The following DSCC1 variants were observed in gnomAD, a reference collection of about 807,000 sequenced individuals.
DSCC1 encodes the protein sister chromatid cohesion protein DCC1.
A neutral mutation model predicts 48.2 loss-of-function variants in DSCC1; 32 were observed. The ratio of observed to expected loss-of-function variants is 0.66; its 90% CI spans 0.50 to 0.89. The LOEUF is 0.89. Ranked by LOEUF, DSCC1 falls within the 40% of genes least tolerant of loss-of-function variation. DSCC1 has a pLI of 0.00. For synonymous variants in DSCC1, 150 were observed against 171.5 expected, an observed-to-expected ratio of 0.87 and a Z score of 0.98; for missense variants, 421 against 471.7, an observed-to-expected ratio of 0.89 and a Z score of 1.00.
chr8:119,855,580 C>A, intron 1 of DSCC1, 34 bp downstream of exon 1: 1 of 1,523,122 alleles, frequency 6.6e-7, no homozygotes, highest in South Asian at 1.2e-5. Context: ...CGTGGCCGGC[C>A]AGAGGCTGGG....
At chr8:119,843,923 C>T (rs954910530) in intron 4 of DSCC1, among the ~76,000 whole-genome samples, 176 bp from the exon 5 acceptor site, 9 of 152,024 alleles carry the variant, frequency 5.9e-5, no homozygotes, top group East Asian at 1.9e-4. Context: ...ACTACGGGCA[C>T]GCACTACCAT....
At chr8:119,835,676 G>A (rs1284226350) in intron 8 of DSCC1, among the ~76,000 whole-genome samples, 1 of 152,110 alleles carries the variant, frequency 6.6e-6, no homozygotes, top group East Asian at 1.9e-4. Context: ...ATATGACACA[G>A]CCTCTAAATT....
rs565911488 is a variant in DSCC1, at chr8:119,852,415, G to A, written c.351+632C>T. 3.3e-5 allele frequency among the ~76,000 whole-genome samples: 5 copies of A among 152,090 alleles called. No homozygotes were observed. In the South Asian group the frequency reaches 6.2e-4, roughly 19 times the overall value. Reference sequence around the variant, plus strand: ...GTCACCCAGGCTGGAGTGCAGTGGCGTGATCTCGGCTCTCTGAAACCTCTG... The same window carrying A: ...GTCACCCAGGCTGGAGTGCAGTGGCATGATCTCGGCTCTCTGAAACCTCTG... On this transcript the variant is annotated intron_variant, in intron 2 of 8. Coordinates refer to ENST00000313655, the MANE Select transcript of DSCC1 (RefSeq NM_024094.3).
chr8:119,836,594 A>C (rs1176147458), intron 8 of DSCC1, among the ~76,000 whole-genome samples: 1 of 152,146 alleles, frequency 6.6e-6, no homozygotes, highest in East Asian at 1.9e-4. Flanking sequence ...TAACTGTGTT[A>C]AGGATGAGGG....
intron 3 of DSCC1, among the ~76,000 whole-genome samples, chr8:119,848,661 T>TA (rs1180509300): frequency 6.6e-6 from 1 of 152,238 alleles, no homozygotes; most frequent in Non-Finnish European, 1.5e-5. Context: ...TAAAATCTTG[T>TA]ATACGAATGT....
chr8:119,843,378 G>C (rs1286851489), intron 5 of DSCC1, among the ~76,000 whole-genome samples: 2 of 152,042 alleles, frequency 1.3e-5, no homozygotes, highest in Non-Finnish European at 2.9e-5. Context: ...ATGAGCCACT[G>C]CGCCCAGCCT....
At position 119,855,606 on chromosome 8, in the gene DSCC1, G is replaced by A. The variant is rs942346370; in HGVS notation, c.182+8C>T. 7.1e-6 allele frequency: 11 copies of A among 1,541,624 alleles called. No homozygotes were observed. The highest frequency in any genetic ancestry group is 1.9e-4 in the Middle Eastern group (1 of 5,394). Reference sequence around the variant, plus strand: ...AGAGGCTGGGGGCGCCGCGTGACCAGGGCTCACCTGTGTCCATCCTCCAGC... The same window carrying A: ...AGAGGCTGGGGGCGCCGCGTGACCAAGGCTCACCTGTGTCCATCCTCCAGC... On this transcript the variant is annotated splice_region_variant and intron_variant, in intron 1 of 8. Transcript: ENST00000313655.
At chr8:119,855,119 G>A (rs976679208) in intron 1 of DSCC1, among the ~76,000 whole-genome samples, 1 of 152,176 alleles carries the variant, frequency 6.6e-6, no homozygotes, top group African/African-American at 2.4e-5. Context: ...CCTGGAATTA[G>A]AAACAGCTTC....
intron 4 of DSCC1, among the ~76,000 whole-genome samples, chr8:119,845,752 C>A (rs1273573030): frequency 3.9e-5 from 6 of 152,018 alleles, no homozygotes; most frequent in Admixed American, 3.9e-4. Flanking sequence ...GGTTCAAGAC[C>A]AGCCTGGCCA....
chr8:119,850,082 T>C (rs1236263059), intron 3 of DSCC1, among the ~76,000 whole-genome samples: 1 of 152,188 alleles, frequency 6.6e-6, no homozygotes, highest in East Asian at 1.9e-4. Flanking sequence ...GCTATATAAA[T>C]GGCATTATGA....
chr8:119,855,777 C>A lies in DSCC1; in HGVS notation c.19G>T (p.Glu7Ter), dbSNP rs751873585. Residue 7 changes from glutamate to a stop codon, truncating the protein, a stop_gained, in exon 1 of 9, where the codon GAG becomes TAG. Transcript: ENST00000313655. LOFTEE classifies it high-confidence loss of function. MKRTRD[E>*]VDATLQIAKL... is the part of the protein sequence containing the mutation. The stretch of plus-strand genomic sequence containing the variant: ...GCGATCTGCAGCGTCGCATCCACCT[C>A]GTCGCGGGTCCTCTTCATCGCAGCG... 5 of 1,545,572 alleles carry A rather than the reference C, an allele frequency of 3.2e-6. No individual in the cohort carries two copies. The highest frequency in any genetic ancestry group is 4.4e-6 in the Non-Finnish European group (5 of 1,146,386).
intron 3 of DSCC1, among the ~76,000 whole-genome samples, chr8:119,848,324 G>A (rs546700478): frequency 3.9e-5 from 6 of 152,110 alleles, no homozygotes; most frequent in East Asian, 3.9e-4. Flanking sequence ...CAAGAAAGTC[G>A]AAAGACAACC....
chr8:119,841,119 G>A (rs1164880737), intron 7 of DSCC1, among the ~76,000 whole-genome samples: 2 of 151,772 alleles, frequency 1.3e-5, no homozygotes, highest in South Asian at 2.1e-4. Context: ...AGTCTCCCGA[G>A]TAACTAGGAT....
rs147283299 is a variant in DSCC1 at position 119,841,031 on chromosome 8, G to A, written c.924+763C>T. Among the ~76,000 whole-genome samples the A allele has an allele frequency of 4.1e-3, 620 of 150,742 alleles. 17 individuals carry two copies. In the East Asian group the frequency reaches 0.082, roughly 20 times the overall value. ...TTTTGAGACAGAGTCTTGCTCTGTC[G>A]CCCAGGCTGGACTGCACTGGCATGA... On this transcript the variant is annotated intron_variant, in intron 7 of 8. Transcript: ENST00000313655.
At chr8:119,842,670 G>C (rs2131298957) in intron 6 of DSCC1, 106 bp downstream of exon 6, 1 of 991,568 alleles carries the variant, frequency 1.0e-6, no homozygotes, top group South Asian at 1.4e-5. Flanking sequence ...ATAGGTGTGA[G>C]CCACTGCACC....
At chr8:119,847,801 G>C (rs1826880663) in intron 3 of DSCC1, among the ~76,000 whole-genome samples, 1 of 151,808 alleles carries the variant, frequency 6.6e-6, no homozygotes, top group Admixed American at 6.6e-5. Context: ...GAATAGCTGG[G>C]ATTACAGGCA....
At position 119,842,765 on chromosome 8, in the gene DSCC1, C is replaced by T. The variant is rs951105528; in HGVS notation, c.769+11G>A. On this transcript the variant is annotated intron_variant, in intron 6 of 8. Coordinates refer to ENST00000313655, the MANE Select transcript of DSCC1 (RefSeq NM_024094.3). ...TATAAGAGTTAAATGAGAATACTTT[C>T]CAAATCTTACCTTCATCTACATATT... The T allele has an allele frequency of 1.9e-6, 3 of 1,604,016 alleles. No homozygotes were observed. The highest frequency in any genetic ancestry group is 4.5e-5 in the East Asian group (2 of 44,678).
chr8:119,838,158 G>A, intron 8 of DSCC1, 101 bp downstream of exon 8: 3 of 1,305,500 alleles, frequency 2.3e-6, no homozygotes, highest in Middle Eastern at 2.7e-4. Context: ...TATCCTCAGG[G>A]AATACTCAAG....
At chr8:119,842,085 T>A in intron 6 of DSCC1, 137 bp from the exon 7 acceptor site, 1 of 1,018,842 alleles carries the variant, frequency 9.8e-7, no homozygotes, top group Non-Finnish European at 1.4e-6. Flanking sequence ...ATAGTTCGTT[T>A]TTTTTTGAGA....
Sources: allele counts gnomAD v4.1 joint callset (sites outside exome capture counted in the v4.1 genomes callset), GRCh38; gene constraint gnomAD v4.1.1; transcripts MANE v1.5; gene names NCBI Gene and HGNC (gene_info 2026-07-23, HGNC 2026-07-21).